Variants in BUB1 observed in about 807,000 individuals in gnomAD.
BUB1 encodes mitotic checkpoint serine/threonine-protein kinase BUB1.
In BUB1, 84 loss-of-function variants were observed where a neutral mutation model predicts 135.2. The ratio of observed to expected loss-of-function variants is 0.62; its 90% CI spans 0.52 to 0.74. The LOEUF (loss-of-function observed/expected upper bound fraction) is 0.74, where lower values mean the gene tolerates loss of function less well. BUB1 is among the 30% of genes least tolerant of loss of function. BUB1 has a pLI of 0.00. For synonymous variants in BUB1, 403 were observed against 434.4 expected (o/e 0.93, Z 0.90); for missense variants, 1,162 against 1,288.3 (o/e 0.90, Z 1.50).
At chr2:110,677,248 G>A (rs950416264) in intron 1 of BUB1, among the ~76,000 whole-genome samples, 6 of 152,218 alleles carry the variant, frequency 3.9e-5, no homozygotes, top group African/African-American at 1.4e-4. Flanking sequence ...AAAAGTCTTA[G>A]AGCAAATGGA....
At chr2:110,657,318 T>C (rs1458708457) in intron 14 of BUB1, among the ~76,000 whole-genome samples, 1 of 152,166 alleles carries the variant, frequency 6.6e-6, no homozygotes, top group Admixed American at 6.5e-5. Flanking sequence ...TATCATTACT[T>C]GAGGGTGGGA....
At chr2:110,643,033 A>G (rs1689544592) in intron 19 of BUB1, among the ~76,000 whole-genome samples, 1 of 152,206 alleles carries the variant, frequency 6.6e-6, no homozygotes, top group African/African-American at 2.4e-5. Context: ...ACAAGAATTC[A>G]CATGTTCAAA....
rs1437089861 is a variant in BUB1, at chr2:110,648,510, G to GATAT, written c.2347+720_2347+723dup. On this transcript the variant is annotated intron_variant, in intron 19 of 24. Coordinates refer to ENST00000302759, the MANE Select transcript of BUB1 (RefSeq NM_004336.5). This position sits in a 1 kb window ranked among gnomAD's most constrained non-coding sequence, Gnocchi z 4.2. The stretch of plus-strand genomic sequence containing the variant: ...ACTACATTCGTAAAAAACCCCACAG[G>GATAT]ATATACAACCCAAAGAGTGAACCCT... 2.0e-5 allele frequency among the ~76,000 whole-genome samples: 3 copies of GATAT among 152,072 alleles called. No individual in the cohort carries two copies. The highest frequency in any genetic ancestry group is 6.6e-5 in the Admixed American group (1 of 15,248).
At position 110,678,020 on chromosome 2, in the gene BUB1, G is replaced by A. The variant is rs370305992; in HGVS notation, c.-25C>T. On this transcript the variant is annotated 5_prime_UTR_variant, in exon 1 of 25. Coordinates refer to ENST00000302759, the MANE Select transcript of BUB1 (RefSeq NM_004336.5). ...TGGCCAGAGGACGCTGGCCGGCAGC[G>A]GCCAAACCTGAACCGCAAACTAGAA... is the stretch of plus-strand genomic sequence containing the variant. The A allele has an allele frequency of 1.7e-4, 275 of 1,598,926 alleles. No homozygotes were observed. The highest frequency in any genetic ancestry group is 2.2e-4 in the Non-Finnish European group (253 of 1,173,996).
intron 19 of BUB1, chr2:110,642,442 T>G: frequency 3.0e-6 from 1 of 331,800 alleles, no homozygotes; most frequent in East Asian, 5.5e-5. Context: ...CTCTACATCT[T>G]ACTCACTTTC....
At chr2:110,664,096 G>A (rs1690178141) in intron 9 of BUB1, among the ~76,000 whole-genome samples, 1 of 151,578 alleles carries the variant, frequency 6.6e-6, no homozygotes, top group Admixed American at 6.6e-5. Flanking sequence ...AGAAAATTAG[G>A]GGGAAAAAAG....
At position 110,675,530 on chromosome 2, in the gene BUB1, G is replaced by A. The variant is rs1690552881; in HGVS notation, c.27-1165C>T. Among the ~76,000 whole-genome samples, 3 of 152,062 alleles carry A rather than the reference G, an allele frequency of 2.0e-5. No homozygotes were observed. The South Asian group carries it at 6.2e-4, about 31-fold the overall frequency. ...TTTGCATTTTAATGTCCCTCTGTGT[G>A]AAGGAGGTAGAGGTGAGAATCGAAG... is the stretch of plus-strand genomic sequence containing the variant. On this transcript the variant is annotated intron_variant, in intron 1 of 24. Transcript: ENST00000302759.
At chr2:110,665,960 A>C (rs1690239847) in intron 9 of BUB1, 2 of 239,028 alleles carry the variant, frequency 8.4e-6, no homozygotes, top group African/African-American at 2.2e-5. Flanking sequence ...TGAGAGTACT[A>C]TACTCCAATT....
At chr2:110,653,054 C>T (rs1268854144) in intron 17 of BUB1, among the ~76,000 whole-genome samples, 1 of 152,154 alleles carries the variant, frequency 6.6e-6, no homozygotes, top group Non-Finnish European at 1.5e-5. Flanking sequence ...TCCTGGGTAC[C>T]AGGTTGCATT....
chr2:110,677,988 G>T lies in BUB1; in HGVS notation c.8C>A (p.Thr3Asn), dbSNP rs781298295. ...CACTTACTGAAGGACATTTTCCGGGGTGTCCATGGCCAGAGGACGCTGGCC... is the reference window on the plus strand; with the variant it reads ...CACTTACTGAAGGACATTTTCCGGGTTGTCCATGGCCAGAGGACGCTGGCC... MD[T>N]PENVLQMLEA... Residue 3 changes from threonine (T) to asparagine (N), a missense_variant, in exon 1 of 25, where the codon ACC becomes AAC. Transcript: ENST00000302759. The T allele has an allele frequency of 1.2e-5, 19 of 1,608,798 alleles. No individual in the cohort carries two copies. In the East Asian group the frequency reaches 3.8e-4, roughly 32 times the overall value.
At position 110,637,621 on chromosome 2, in the gene BUB1, T is replaced by TGTGTG. The variant is rs1553514503; in HGVS notation, c.*342_*343insCACAC. ...GTGTGTGTGTGTGTGTGTGTGTGTG[T>TGTGTG]TTACACAGACACCAAACTTCAAATT... is the stretch of plus-strand genomic sequence containing the variant. On this transcript the variant is annotated 3_prime_UTR_variant, in exon 25 of 25. Coordinates refer to ENST00000302759, the MANE Select transcript of BUB1 (RefSeq NM_004336.5). The TGTGTG allele has an allele frequency of 7.3e-5, 12 of 165,236 alleles. No individual in the cohort carries two copies. Among genetic ancestry groups the TGTGTG allele is most frequent in the South Asian group, 2.0e-4 (1 of 5,002 alleles). 10.2% of individuals were successfully genotyped at this position (165,236 alleles called of 1,614,324 possible).
At chr2:110,657,288 A>G (rs923218951) in intron 14 of BUB1, among the ~76,000 whole-genome samples, 171 bp from the exon 15 acceptor site, 2 of 152,224 alleles carry the variant, frequency 1.3e-5, no homozygotes, top group African/African-American at 4.8e-5. Context: ...TCAAATTAAC[A>G]TGACTTATAA....
At chr2:110,673,997 A>T in intron 3 of BUB1, 89 bp downstream of exon 3, 1 of 1,088,106 alleles carries the variant, frequency 9.2e-7, no homozygotes, top group Non-Finnish European at 1.3e-6. Context: ...ACAAGGAATT[A>T]AAAGCCTAAA....
At chr2:110,647,517 A>G (rs1341543925) in intron 19 of BUB1, among the ~76,000 whole-genome samples, 2 of 152,170 alleles carry the variant, frequency 1.3e-5, no homozygotes, top group Non-Finnish European at 2.9e-5. Context: ...AAAATATTGA[A>G]AGGAGCACGA....
intron 19 of BUB1, among the ~76,000 whole-genome samples, chr2:110,644,498 A>T (rs1042492646): frequency 5.3e-5 from 8 of 151,204 alleles, no homozygotes; most frequent in African/African-American, 1.7e-4. Flanking sequence ...AAAAAAAAAA[A>T]TTGAAGTAAT....
At position 110,641,410 on chromosome 2, in the gene BUB1, C is replaced by A; in HGVS notation, c.2680G>T (p.Val894Phe). 1 of 1,614,040 alleles carries A rather than the reference C, an allele frequency of 6.2e-7. No individual in the cohort carries two copies. The highest frequency in any genetic ancestry group is 8.5e-7 in the Non-Finnish European group (1 of 1,179,994). Reference sequence around the variant, plus strand: ...AGCATTCTCATAGCAAAAGAGATGACAAGACCTTGAGGCATCACTTTTTCA... The same window carrying A: ...AGCATTCTCATAGCAAAAGAGATGAAAAGACCTTGAGGCATCACTTTTTCA... ...TPEKVMPQGL[V>F]ISFAMRMLYM... is the part of the protein sequence containing the mutation. The change falls in exon 22 of 25, where the codon GTC (valine) becomes TTC (phenylalanine). Residue 894 changes from valine to phenylalanine, a missense_variant. Val to Phe is a conservative substitution (Grantham distance 50). Coordinates refer to ENST00000302759, the MANE Select transcript of BUB1 (RefSeq NM_004336.5).
intron 13 of BUB1, 21 bp downstream of exon 13, chr2:110,658,389 T>C (rs777323559): frequency 1.9e-6 from 3 of 1,575,408 alleles, no homozygotes; most frequent in South Asian, 2.2e-5. Flanking sequence ...ATGCACTTAG[T>C]AGCTTTTAAA....
At chr2:110,658,259 G>T in intron 13 of BUB1, 151 bp downstream of exon 13, 9 of 585,718 alleles carry the variant, frequency 1.5e-5, no homozygotes, top group South Asian at 5.1e-5. Context: ...TGAGTACCTT[G>T]TCAAGAACTG....
At chr2:110,659,560 G>A (rs566312207) in intron 11 of BUB1, among the ~76,000 whole-genome samples, 22 of 152,232 alleles carry the variant, frequency 1.4e-4, no homozygotes, top group Non-Finnish European at 2.9e-4. Context: ...GTCACACAGC[G>A]GAGAAGTGAA....
Sources: allele counts gnomAD v4.1 joint callset (sites outside exome capture counted in the v4.1 genomes callset), GRCh38; gene constraint gnomAD v4.1.1; non-coding constraint Gnocchi (gnomAD v3.1); transcripts MANE v1.5; gene names NCBI Gene and HGNC (gene_info 2026-07-23, HGNC 2026-07-21).